HS6ST2: variants seen among roughly 807,000 people sequenced by gnomAD.
The protein encoded by HS6ST2 is heparan sulfate 6-O-sulfotransferase 2.
Under a neutral mutation model 33.0 loss-of-function variants are expected in HS6ST2, and 17 were observed. That is an observed-to-expected ratio of 0.52 (90% CI 0.35 to 0.77). The LOEUF is 0.77. Among genes scored for constraint, HS6ST2 ranks in the 30% least tolerant of loss-of-function variants. HS6ST2 has a pLI of 0.01. For synonymous variants in HS6ST2, 248 were observed against 237.1 expected (o/e 1.05, Z -0.42); for missense variants, 519 against 551.7 (o/e 0.94, Z 0.59).
intron 2 of HS6ST2, among the ~76,000 whole-genome samples, chrX:132,801,383 G>C (rs1355226218): frequency 8.9e-6 from 1 of 111,834 alleles, no homozygotes; most frequent in East Asian, 2.8e-4. Context: ...CCTTTCTCTT[G>C]TGTTGGATTC....
intron 2 of HS6ST2, among the ~76,000 whole-genome samples, chrX:132,822,593 G>C (rs2065471089): frequency 8.9e-6 from 1 of 112,010 alleles, no homozygotes; most frequent in African/African-American, 3.2e-5. Flanking sequence ...AATGAAATAT[G>C]AGTGGATATT....
intron 3 of HS6ST2, among the ~76,000 whole-genome samples, chrX:132,692,487 G>A (rs1301225338): frequency 9.1e-6 from 1 of 110,251 alleles, no homozygotes; most frequent in Non-Finnish European, 1.9e-5. Context: ...GCTCCTTATT[G>A]CCTACTTAAT....
At chrX:132,727,472 T>C (rs1174647005) in intron 2 of HS6ST2, among the ~76,000 whole-genome samples, 1 of 110,845 alleles carries the variant, frequency 9.0e-6, no homozygotes, top group African/African-American at 3.3e-5. Context: ...TATATAACTA[T>C]TGAGTGTCTA....
chrX:132,909,996 C>T (rs757543760), intron 2 of HS6ST2, among the ~76,000 whole-genome samples: 3 of 110,285 alleles, frequency 2.7e-5, no homozygotes, highest in African/African-American at 6.6e-5. Context: ...CATCAGACGC[C>T]CGCACCCATC....
At chrX:132,646,284 C>T (rs1006558156) in intron 4 of HS6ST2, among the ~76,000 whole-genome samples, 3 of 110,705 alleles carry the variant, frequency 2.7e-5, no homozygotes, top group Admixed American at 1.9e-4. Context: ...GCCTCCTGTG[C>T]GTAGGGGATG....
rs1347052881 is a variant in HS6ST2, at chrX:132,626,147, AT to A, written c.*2075del. ...TACATAATGGCAAAAATGTATATGT[AT>A]ATTTATAACATCCTCTATATACAAT... On this transcript the variant is annotated 3_prime_UTR_variant, in exon 5 of 5. Coordinates refer to ENST00000370833, the MANE Select transcript of HS6ST2 (RefSeq NM_001394073.1). 8.9e-6 allele frequency: 1 copy of A among 112,466 alleles called. No individual in the cohort carries two copies. Among genetic ancestry groups the A allele is most frequent in the Non-Finnish European group, 1.9e-5 (1 of 53,211 alleles). The allele number at this position is 112,466 out of a possible 1,213,427, so 9.3% of individuals were successfully genotyped here.
chrX:132,842,375 G>C (rs2065714789), intron 2 of HS6ST2, among the ~76,000 whole-genome samples: 1 of 111,904 alleles, frequency 8.9e-6, no homozygotes, highest in Non-Finnish European at 1.9e-5. Flanking sequence ...CAGCGGATTG[G>C]TCCCTAATCA....
intron 2 of HS6ST2, among the ~76,000 whole-genome samples, chrX:132,896,266 C>G (rs1366680580): frequency 9.1e-6 from 1 of 110,463 alleles, no homozygotes; most frequent in South Asian, 3.9e-4. Flanking sequence ...GTCAGGAGAT[C>G]GAGACCATCC....
rs144518495 is a variant in HS6ST2 at position 132,920,739 on chromosome X, C to T, written c.947+36069G>A. On this transcript the variant is annotated intron_variant, in intron 2 of 4. Transcript: ENST00000370833. ...ATACTTTTGGCATGTTGGATGCCTG[C>T]GCAGCTAGCTAACCAGCAACTGGCT... 5.9e-3 allele frequency among the ~76,000 whole-genome samples: 663 copies of T among 112,719 alleles called. 4 individuals carry two copies. The highest frequency in any genetic ancestry group is 0.02 in the African/African-American group (630 of 31,071).
At chrX:132,918,460 C>T (rs1235630538) in intron 2 of HS6ST2, among the ~76,000 whole-genome samples, 1 of 112,257 alleles carries the variant, frequency 8.9e-6, no homozygotes, top group African/African-American at 3.2e-5. Flanking sequence ...GTCTTTCTGA[C>T]AGCTATAGAT....
At chrX:132,839,278 A>G (rs955799153) in intron 2 of HS6ST2, among the ~76,000 whole-genome samples, 6 of 39,010 alleles carry the variant, frequency 1.5e-4, no homozygotes, top group Non-Finnish European at 2.2e-4. Flanking sequence ...GTGTGTATAT[A>G]TATATATATA....
intron 4 of HS6ST2, among the ~76,000 whole-genome samples, chrX:132,661,230 A>G (rs776070749): frequency 3.6e-5 from 4 of 110,758 alleles, no homozygotes; most frequent in Non-Finnish European, 7.6e-5. Context: ...AAAGACATCC[A>G]TATTGAAAAG....
intron 2 of HS6ST2, among the ~76,000 whole-genome samples, chrX:132,856,662 T>C (rs1052655369): frequency 9.0e-6 from 1 of 111,024 alleles, no homozygotes; most frequent in Non-Finnish European, 1.9e-5. Flanking sequence ...CCTCCAGCAA[T>C]GCTAACTACA....
chrX:132,898,518 T>C (rs2066398782), intron 2 of HS6ST2, among the ~76,000 whole-genome samples: 1 of 107,426 alleles, frequency 9.3e-6, no homozygotes. Flanking sequence ...CCAACCATGA[T>C]GGAGTAAAAG....
intron 3 of HS6ST2, among the ~76,000 whole-genome samples, chrX:132,672,899 G>A (rs2063895614): frequency 8.9e-6 from 1 of 111,803 alleles, no homozygotes; most frequent in African/African-American, 3.3e-5. Context: ...TTTGCTGTTT[G>A]GTCAAAGCTA....
At chrX:132,828,693 T>TATACACACACAC (rs1337972849) in intron 2 of HS6ST2, among the ~76,000 whole-genome samples, 1 of 72,938 alleles carries the variant, frequency 1.4e-5, no homozygotes, top group African/African-American at 5.8e-5. Context: ...TATATATATA[T>TATACACACACAC]ACACACACAC....
chrX:132,693,909 C>A (rs1308156226), intron 3 of HS6ST2, among the ~76,000 whole-genome samples: 2 of 112,130 alleles, frequency 1.8e-5, no homozygotes, highest in African/African-American at 6.5e-5. Flanking sequence ...CACCATGTCA[C>A]CCGTCAATAC....
chrX:132,832,519 AT>A (rs1040880816), intron 2 of HS6ST2, among the ~76,000 whole-genome samples: 3 of 111,670 alleles, frequency 2.7e-5, no homozygotes, highest in Admixed American at 9.6e-5. Flanking sequence ...TTTAAAAATA[AT>A]TTTTTCTCTT....
intron 2 of HS6ST2, 67 bp from the exon 3 acceptor site, chrX:132,708,561 A>G: frequency 1.0e-6 from 1 of 972,079 alleles, no homozygotes; most frequent in Non-Finnish European, 1.4e-6. Flanking sequence ...AAATAATAAA[A>G]GTTTTCCATT....
Sources: allele counts gnomAD v4.1 joint callset (sites outside exome capture counted in the v4.1 genomes callset), GRCh38; gene constraint gnomAD v4.1.1; transcripts MANE v1.5; gene names NCBI Gene and HGNC (gene_info 2026-07-23, HGNC 2026-07-21).